Variants in PLCB1 observed in about 807,000 individuals in gnomAD.
PLCB1 encodes the protein phospholipase C beta 1.
Under a neutral mutation model 161.8 loss-of-function variants are expected in PLCB1, and 46 were observed. The ratio of observed to expected loss-of-function variants is 0.28; its 90% CI spans 0.22 to 0.36. The LOEUF (loss-of-function observed/expected upper bound fraction) is 0.36, where lower values mean the gene tolerates loss of function less well. Among genes scored for constraint, PLCB1 ranks in the 10% least tolerant of loss-of-function variants. The pLI is 1.00. For synonymous variants in PLCB1, 517 were observed against 503.7 expected (o/e 1.03, Z -0.35); for missense variants, 1,016 against 1,472.5 (o/e 0.69, Z 5.07).
chr20:8,628,594 T>A, intron 4 of PLCB1, 163 bp downstream of exon 4: 1 of 658,178 alleles, frequency 1.5e-6, no homozygotes, highest in Non-Finnish European at 2.6e-6. Context: ...AAAATACTTC[T>A]AAATAATGGC....
At chr20:8,856,087 C>T (rs1321952314) in intron 31 of PLCB1, among the ~76,000 whole-genome samples, 4 of 152,120 alleles carry the variant, frequency 2.6e-5, no homozygotes, top group Admixed American at 6.5e-5. Flanking sequence ...TTTCATTCTC[C>T]ACCCTCTGCC....
chr20:8,357,956 G>C (rs911513203), intron 2 of PLCB1, among the ~76,000 whole-genome samples: 2 of 152,180 alleles, frequency 1.3e-5, no homozygotes, highest in African/African-American at 4.8e-5. Flanking sequence ...GAAACTCAAG[G>C]TCAAGTGCAC....
chr20:8,871,113 A>G (rs2327120), intron 31 of PLCB1, among the ~76,000 whole-genome samples: 56,622 of 152,140 alleles, frequency 0.37, 11,189 homozygotes, highest in East Asian at 0.72. Flanking sequence ...GAAATTAGCC[A>G]TAGATTATGA....
chr20:8,228,936 A>G (rs1979853944), intron 2 of PLCB1, among the ~76,000 whole-genome samples: 1 of 152,110 alleles, frequency 6.6e-6, no homozygotes, highest in Non-Finnish European at 1.5e-5. Context: ...GAAAATATAT[A>G]CAATTTTTGA....
intron 3 of PLCB1, among the ~76,000 whole-genome samples, chr20:8,535,912 T>C (rs2070924846): frequency 6.6e-6 from 1 of 152,142 alleles, no homozygotes; most frequent in African/African-American, 2.4e-5. Context: ...TTACGGAGGC[T>C]GTAACTGTGT....
At chr20:8,762,934 A>AT (rs1461517358) in intron 25 of PLCB1, among the ~76,000 whole-genome samples, 1 of 152,170 alleles carries the variant, frequency 6.6e-6, no homozygotes, top group African/African-American at 2.4e-5. Context: ...TTATGGTAAC[A>AT]TTTTTTGTTC....
At chr20:8,336,770 T>C (rs1471464254) in intron 2 of PLCB1, among the ~76,000 whole-genome samples, 1 of 152,198 alleles carries the variant, frequency 6.6e-6, no homozygotes, top group East Asian at 1.9e-4. Context: ...ACTTTATTAT[T>C]TTCTATGGAA....
intron 27 of PLCB1, among the ~76,000 whole-genome samples, chr20:8,778,349 A>G (rs1983046565): frequency 6.6e-6 from 1 of 152,142 alleles, no homozygotes; most frequent in South Asian, 2.1e-4. Context: ...CATCCCAGGA[A>G]CAATGCCTCA....
At chr20:8,481,060 C>T (rs901137224) in intron 3 of PLCB1, among the ~76,000 whole-genome samples, 2 of 152,132 alleles carry the variant, frequency 1.3e-5, no homozygotes, top group African/African-American at 4.8e-5. Context: ...GCCAAGAGCG[C>T]ACCACTGCAC....
chr20:8,199,203 T>C (rs954318519), intron 2 of PLCB1, among the ~76,000 whole-genome samples: 6 of 152,128 alleles, frequency 3.9e-5, no homozygotes, highest in African/African-American at 1.4e-4. Flanking sequence ...CTTCTGTGGA[T>C]GATCTGTACC....
At chr20:8,397,701 A>C (rs1054111481) in intron 3 of PLCB1, among the ~76,000 whole-genome samples, 2 of 152,166 alleles carry the variant, frequency 1.3e-5, no homozygotes, top group Admixed American at 6.6e-5. Flanking sequence ...TCTTTCTTAC[A>C]CAAAATGTAA....
chr20:8,425,778 T>TCAG, intron 3 of PLCB1, among the ~76,000 whole-genome samples: 1 of 152,246 alleles, frequency 6.6e-6, no homozygotes, highest in Non-Finnish European at 1.5e-5. Flanking sequence ...TTCCACACCA[T>TCAG]CAGCAGCAAT....
intron 3 of PLCB1, among the ~76,000 whole-genome samples, chr20:8,565,563 TAAAA>T: frequency 6.6e-6 from 1 of 151,170 alleles, no homozygotes; most frequent in South Asian, 2.1e-4. Context: ...TAATAAAAAA[TAAAA>T]AAAAGAAAGT....
At chr20:8,685,394 G>C (rs563678997) in intron 10 of PLCB1, among the ~76,000 whole-genome samples, 35 of 152,160 alleles carry the variant, frequency 2.3e-4, no homozygotes, top group African/African-American at 8.4e-4. Context: ...GCCATGTCCA[G>C]TCCTACCCGG....
At chr20:8,830,173 A>G (rs1985914184) in intron 31 of PLCB1, among the ~76,000 whole-genome samples, 1 of 152,214 alleles carries the variant, frequency 6.6e-6, no homozygotes, top group Non-Finnish European at 1.5e-5. Flanking sequence ...TAGAAATCAT[A>G]GGAAGGGGTT....
intron 2 of PLCB1, among the ~76,000 whole-genome samples, chr20:8,185,548 ATTTG>A (rs72218670): frequency 0.38 from 57,271 of 150,644 alleles, 12,426 homozygotes; most frequent in African/African-American, 0.61. Context: ...ATAAGATTAT[ATTTG>A]TTTGTGTATA....
chr20:8,795,996 T>C (rs1984010277), intron 31 of PLCB1, among the ~76,000 whole-genome samples: 1 of 152,134 alleles, frequency 6.6e-6, no homozygotes, highest in Non-Finnish European at 1.5e-5. Context: ...ATAAGAAGAA[T>C]CATCTTTTGA....
Position 8,597,010 on chromosome 20 carries a change from A to G in PLCB1, c.247-31284A>G, listed in dbSNP as rs1383690158. On this transcript the variant is annotated intron_variant, in intron 3 of 31. Coordinates refer to ENST00000338037, the MANE Select transcript of PLCB1 (RefSeq NM_015192.4). ...GCTTAAGGAGATTTTGGGCTGAGAC[A>G]ATGGGGTTTTCTAGATATACAGTCA... Among the ~76,000 whole-genome samples, 4 of 149,398 alleles carry G rather than the reference A, an allele frequency of 2.7e-5. No homozygotes were observed. In the South Asian group the frequency reaches 6.4e-4, roughly 24 times the overall value.
At position 8,649,414 on chromosome 20, in the gene PLCB1, A is replaced by G. The variant is rs1009176018; in HGVS notation, c.559A>G (p.Thr187Ala). 3.7e-6 allele frequency: 6 copies of G among 1,613,352 alleles called. No individual in the cohort carries two copies. The highest frequency in any genetic ancestry group is 1.3e-5 in the African/African-American group (1 of 74,880). The stretch of plus-strand genomic sequence containing the variant: ...TTCAGCAGATCGGAAGCGAGTTGAA[A>G]CTGCTTTAGAGGCTTGTAGTCTTCC... ...LFSADRKRVETALEACSLPSS... is the reference protein window; with the variant it reads ...LFSADRKRVEAALEACSLPSS... The change falls in exon 7 of 32, where the codon ACT becomes GCT. Residue 187 changes from threonine (T) to alanine (A), a missense_variant. Coordinates refer to ENST00000338037, the MANE Select transcript of PLCB1 (RefSeq NM_015192.4).
Sources: allele counts gnomAD v4.1 joint callset (sites outside exome capture counted in the v4.1 genomes callset), GRCh38; gene constraint gnomAD v4.1.1; transcripts MANE v1.5; gene names NCBI Gene and HGNC (gene_info 2026-07-23, HGNC 2026-07-21).